ETFA: variants seen among roughly 807,000 people sequenced by gnomAD.
The protein encoded by ETFA is electron transfer flavoprotein subunit alpha.
Under a neutral mutation model 46.2 loss-of-function variants are expected in ETFA, and 22 were observed. That is an observed-to-expected ratio of 0.48 (90% CI 0.34 to 0.68). ETFA has a LOEUF of 0.68. Ranked by LOEUF, ETFA falls within the 30% of genes least tolerant of loss-of-function variation. ETFA has a pLI of 0.01. For synonymous variants in ETFA, 131 were observed against 139.9 expected, an observed-to-expected ratio of 0.94 and a Z score of 0.45; for missense variants, 345 against 401.1, an observed-to-expected ratio of 0.86 and a Z score of 1.19.
At chr15:76,246,273 G>C (rs1032149562) in intron 9 of ETFA, among the ~76,000 whole-genome samples, 1 of 152,200 alleles carries the variant, frequency 6.6e-6, no homozygotes, top group Non-Finnish European at 1.5e-5. Flanking sequence ...GAGGGGTTAA[G>C]TGATTTGTCC....
At chr15:76,248,338 G>A (rs1386048572) in intron 9 of ETFA, among the ~76,000 whole-genome samples, 1 of 152,030 alleles carries the variant, frequency 6.6e-6, no homozygotes, top group Non-Finnish European at 1.5e-5. Context: ...TAACTACATG[G>A]GGGGAAAATG....
At chr15:76,239,809 G>A (rs972882766) in intron 9 of ETFA, among the ~76,000 whole-genome samples, 1 of 149,048 alleles carries the variant, frequency 6.7e-6, no homozygotes, top group Admixed American at 6.7e-5. Flanking sequence ...AAAAAGTATT[G>A]TCAATTTTAG....
At chr15:76,245,590 T>C (rs2039235629) in intron 9 of ETFA, among the ~76,000 whole-genome samples, 1 of 152,246 alleles carries the variant, frequency 6.6e-6, no homozygotes, top group Non-Finnish European at 1.5e-5. Flanking sequence ...AAACTGCTTA[T>C]TCACCTGGTA....
At chr15:76,231,482 T>A in intron 9 of ETFA, 84 bp from the exon 10 acceptor site, 2 of 839,346 alleles carry the variant, frequency 2.4e-6, no homozygotes, top group Non-Finnish European at 3.7e-6. Flanking sequence ...AATTTAAGTC[T>A]TAGGCAAAAG....
intron 11 of ETFA, among the ~76,000 whole-genome samples, chr15:76,219,859 G>C (rs535687402): frequency 6.6e-6 from 1 of 152,296 alleles, no homozygotes; most frequent in East Asian, 1.9e-4. Flanking sequence ...GGAAAAACTG[G>C]AACCCTTGTG....
At chr15:76,260,559 C>T in intron 9 of ETFA, 2 of 1,491,204 alleles carry the variant, frequency 1.3e-6, no homozygotes, top group Non-Finnish European at 1.8e-6. Context: ...GGGATCCCAG[C>T]CTGTCAAATT....
rs187997256 is a variant in ETFA at position 76,246,015 on chromosome 15, C to T, written c.817-14617G>A. ...AGGTAAAGAAATAAGAATTCAATAC[C>T]TGTTCATAATTTCAAAACAAAATAA... On this transcript the variant is annotated intron_variant, in intron 9 of 11. Coordinates refer to ENST00000557943, the MANE Select transcript of ETFA (RefSeq NM_000126.4). Among the ~76,000 whole-genome samples the T allele has an allele frequency of 5.6e-3, 856 of 152,282 alleles. 3 individuals are homozygous for T. The highest frequency in any genetic ancestry group is 8.9e-3 in the Non-Finnish European group (602 of 68,004).
intron 9 of ETFA, among the ~76,000 whole-genome samples, chr15:76,243,813 A>G (rs918755960): frequency 7.6e-5 from 8 of 104,880 alleles, no homozygotes; most frequent in African/African-American, 2.1e-4. Context: ...AAACAAAAAC[A>G]AACAAACAAA....
intron 9 of ETFA, among the ~76,000 whole-genome samples, chr15:76,246,987 A>G (rs933458297): frequency 2.0e-5 from 3 of 152,242 alleles, no homozygotes; most frequent in African/African-American, 2.4e-5. Flanking sequence ...GCATTCCTAT[A>G]TATCTACATA....
At chr15:76,219,869 G>A (rs1017630569) in intron 11 of ETFA, among the ~76,000 whole-genome samples, 5 of 152,170 alleles carry the variant, frequency 3.3e-5, no homozygotes, top group African/African-American at 1.2e-4. Context: ...GAACCCTTGT[G>A]TACTGCTGGT....
At chr15:76,252,886 CACACAG>C (rs1280300821) in intron 9 of ETFA, among the ~76,000 whole-genome samples, 1 of 143,682 alleles carries the variant, frequency 7.0e-6, no homozygotes, top group Non-Finnish European at 1.5e-5. Flanking sequence ...TACACACACA[CACACAG>C]AGTACTTTTT....
At chr15:76,254,073 C>A (rs900624641) in intron 9 of ETFA, among the ~76,000 whole-genome samples, 2 of 152,232 alleles carry the variant, frequency 1.3e-5, no homozygotes, top group Admixed American at 6.5e-5. Flanking sequence ...ATGAGCCCAG[C>A]ATATATCTCC....
At chr15:76,259,769 C>T (rs965869848) in intron 9 of ETFA, 28 of 1,602,324 alleles carry the variant, frequency 1.7e-5, no homozygotes, top group Non-Finnish European at 2.0e-5. Flanking sequence ...GATGAAGTTC[C>T]GAGAGCTCAG....
At chr15:76,289,874 G>A (rs1245634458) in intron 4 of ETFA, among the ~76,000 whole-genome samples, 1 of 152,018 alleles carries the variant, frequency 6.6e-6, no homozygotes, top group Admixed American at 6.6e-5. Flanking sequence ...TAGCAATCAT[G>A]GCCAGAGTAC....
At chr15:76,256,818 TAAC>T (rs1343965731) in intron 9 of ETFA, among the ~76,000 whole-genome samples, 2 of 152,174 alleles carry the variant, frequency 1.3e-5, no homozygotes, top group African/African-American at 4.8e-5. Context: ...CACAACATAT[TAAC>T]TTTTTATGTT....
At chr15:76,234,361 G>A (rs2039101152) in intron 9 of ETFA, among the ~76,000 whole-genome samples, 1 of 152,094 alleles carries the variant, frequency 6.6e-6, no homozygotes, top group African/African-American at 2.4e-5. Context: ...AAGCATTTTT[G>A]TATTTCAATA....
At chr15:76,249,097 A>C (rs1248585464) in intron 9 of ETFA, among the ~76,000 whole-genome samples, 1 of 151,842 alleles carries the variant, frequency 6.6e-6, no homozygotes, top group Non-Finnish European at 1.5e-5. Context: ...AAATTGTGCT[A>C]AAATATATAT....
chr15:76,219,091 G>A (rs908511319), intron 11 of ETFA, among the ~76,000 whole-genome samples: 1 of 152,344 alleles, frequency 6.6e-6, no homozygotes, highest in South Asian at 2.1e-4. Flanking sequence ...GGCAAAAAAT[G>A]AGGCACAGAC....
chr15:76,285,524 C>T (rs1040415103), intron 7 of ETFA, 113 bp downstream of exon 7: 1 of 695,344 alleles, frequency 1.4e-6, no homozygotes, highest in Non-Finnish European at 2.6e-6. Flanking sequence ...CCCAAACTTC[C>T]CAACTTCTTA....
Sources: allele counts gnomAD v4.1 joint callset (sites outside exome capture counted in the v4.1 genomes callset), GRCh38; gene constraint gnomAD v4.1.1; transcripts MANE v1.5; gene names NCBI Gene and HGNC (gene_info 2026-07-23, HGNC 2026-07-21).